The following TNRC6B variants were observed in gnomAD, a reference collection of about 807,000 sequenced individuals.
TNRC6B encodes trinucleotide repeat containing adaptor 6B.
In TNRC6B, 52 loss-of-function variants were observed where a neutral mutation model predicts 203.6. The ratio of observed to expected loss-of-function variants is 0.26; its 90% CI spans 0.20 to 0.32. The LOEUF is 0.32. Among genes scored for constraint, TNRC6B ranks in the 10% least tolerant of loss-of-function variants. The pLI is 1.00. For synonymous variants in TNRC6B, 838 were observed against 845.7 expected (o/e 0.99, Z 0.16); for missense variants, 1,923 against 2,286.2 (o/e 0.84, Z 3.24).
Position 40,322,971 on chromosome 22 carries a change from G to T in TNRC6B, c.5232G>T (p.Ala1744=), listed in dbSNP as rs41281263. The T allele has an allele frequency of 6.8e-6, 11 of 1,612,370 alleles. No individual in the cohort carries two copies. The Middle Eastern group carries it at 5.0e-4, about 73-fold the overall frequency. ...TPAATPSAPA[A]GWQSLETGQN... Reference sequence around the variant, plus strand: ...CAGCAACCCCAAGTGCGCCAGCTGCGGGGTGGCAGTCGCTGGAGACCGGCC... The same window carrying T: ...CAGCAACCCCAAGTGCGCCAGCTGCTGGGTGGCAGTCGCTGGAGACCGGCC... The change falls in exon 23 of 23, where the codon GCG becomes GCT. Residue 1744 remains alanine (A), a synonymous_variant. Coordinates refer to ENST00000454349, the MANE Select transcript of TNRC6B (RefSeq NM_001162501.2).
At position 40,266,404 on chromosome 22, in the gene TNRC6B, A is replaced by G. The variant is rs1328309342; in HGVS notation, c.2174A>G (p.Asn725Ser). The change falls in exon 5 of 23, where the codon AAT becomes AGT. Residue 725 changes from asparagine (N) to serine (S), a missense_variant. Physicochemically the swap from Asn to Ser is conservative, Grantham distance 46. This residue lies in a region of TNRC6B where 599 missense variants were observed against 656.5 expected (regional missense o/e 0.91). Transcript: ENST00000454349. Reference protein sequence around the residue: ...DEKTPSSWNENPSKDQGWGGG... With the variant: ...DEKTPSSWNESPSKDQGWGGG... ...AAGACACCTTCCTCTTGGAATGAGA[A>G]TCCCAGCAAGGATCAGGGGTGGGGA... The G allele has an allele frequency of 3.1e-6, 5 of 1,613,914 alleles. No homozygotes were observed. In the South Asian group the frequency reaches 5.5e-5, roughly 18 times the overall value.
upstream of TNRC6B, chr22:40,177,860 T>C (rs1160417460): frequency 2.3e-6 from 3 of 1,316,866 alleles, no homozygotes; most frequent in Non-Finnish European, 2.9e-6. Context: ...CTTTCCTGAT[T>C]GACAAACCTA....
At chr22:40,198,866 G>A (rs1463377849) in intron 1 of TNRC6B, among the ~76,000 whole-genome samples, 1 of 152,056 alleles carries the variant, frequency 6.6e-6, no homozygotes, top group Non-Finnish European at 1.5e-5. Context: ...GAGGGGGAGG[G>A]TGCCTGGGAA....
At chr22:40,132,969 A>AAAT (rs1282694632) in intron 3 of TNRC6B, among the ~76,000 whole-genome samples, 11 of 78,190 alleles carry the variant, frequency 1.4e-4, no homozygotes, top group South Asian at 6.2e-4. Flanking sequence ...AAAAAAAAAA[A>AAAT]ATATATATAT....
At chr22:40,289,337 T>C (rs2070836895) in intron 12 of TNRC6B, among the ~76,000 whole-genome samples, 2 of 152,122 alleles carry the variant, frequency 1.3e-5, no homozygotes, top group South Asian at 4.2e-4. Context: ...GGAAGTAATA[T>C]AGAGGACATG....
chr22:40,296,476 C>T (rs2070943487), intron 12 of TNRC6B, among the ~76,000 whole-genome samples: 1 of 151,648 alleles, frequency 6.6e-6, no homozygotes, highest in South Asian at 2.1e-4. Flanking sequence ...GGACTACAGG[C>T]GCCCGCCATC....
intron 1 of TNRC6B, among the ~76,000 whole-genome samples, chr22:40,109,519 T>C (rs560141045): frequency 6.6e-6 from 1 of 152,342 alleles, no homozygotes; most frequent in South Asian, 2.1e-4. Context: ...GGTTTTTCAT[T>C]TCTCTAATGA....
At chr22:40,095,521 G>A (rs2068180305) in intron 1 of TNRC6B, among the ~76,000 whole-genome samples, 1 of 151,926 alleles carries the variant, frequency 6.6e-6, no homozygotes, top group South Asian at 2.1e-4. Flanking sequence ...AGCCAAATCT[G>A]GATTCCAGGC....
Position 40,265,339 on chromosome 22 carries a change from C to T in TNRC6B, c.1109C>T (p.Thr370Ile). The part of the protein sequence containing the change: ...SGREQAQIHN[T>I]DGPKNGNTNS... ...AGAGAACAGGCTCAAATTCATAACA[C>T]TGATGGACCAAAAAATGGAAACACT... The change falls in exon 5 of 23, where the codon ACT (threonine) becomes ATT (isoleucine). Residue 370 changes from threonine (T) to isoleucine (I), a missense_variant. Thr to Ile is a moderately conservative substitution (Grantham distance 89). Transcript: ENST00000454349. 3 of 1,613,966 alleles carry T rather than the reference C, an allele frequency of 1.9e-6. No individual in the cohort carries two copies. Among genetic ancestry groups the T allele is most frequent in the Admixed American group, 3.3e-5 (2 of 60,014 alleles).
At chr22:40,186,926 G>C (rs1268172975) in intron 1 of TNRC6B, among the ~76,000 whole-genome samples, 2 of 151,878 alleles carry the variant, frequency 1.3e-5, no homozygotes, top group East Asian at 3.9e-4. Flanking sequence ...ACACATTTCA[G>C]TTCAAACATA....
At chr22:40,127,508 TACAC>T (rs1294985533) in intron 3 of TNRC6B, among the ~76,000 whole-genome samples, 1 of 152,090 alleles carries the variant, frequency 6.6e-6, no homozygotes, top group Non-Finnish European at 1.5e-5. Flanking sequence ...ACACCCAAGA[TACAC>T]ACACCCCAGA....
At position 40,331,670 on chromosome 22, in the gene TNRC6B, T is replaced by TAAA. The variant is rs2071468433; in HGVS notation, c.*8429_*8430insAAA. On this transcript the variant is annotated 3_prime_UTR_variant, in exon 23 of 23. Coordinates refer to ENST00000454349, the MANE Select transcript of TNRC6B (RefSeq NM_001162501.2). ...ATTTTTTTTTTTTTTTTTTTTTTTT[T>TAAA]CAAAAAAAAAAGTCCCACATGTGGT... The TAAA allele has an allele frequency of 1.0e-5, 2 of 190,830 alleles. No homozygotes were observed. Among genetic ancestry groups the TAAA allele is most frequent in the African/African-American group, 7.6e-5 (2 of 26,328 alleles). The allele number at this position is 190,830 out of a possible 1,614,324, so 11.8% of individuals were successfully genotyped here. A position where few individuals can be genotyped will look rare whatever the true frequency, so the allele number is the denominator to read the frequency against.
At position 40,327,053 on chromosome 22, in the gene TNRC6B, G is replaced by A. The variant is rs1000982666; in HGVS notation, c.*3812G>A. On this transcript the variant is annotated 3_prime_UTR_variant, in exon 23 of 23. Transcript: ENST00000454349. ...TCTTTTGTATTCCCTCCTGGGGCCA[G>A]GGGTCAGAATTCCCAAGCATGACCA... 1 of 152,628 alleles carries A rather than the reference G, an allele frequency of 6.6e-6. No homozygotes were observed. 9.5% of individuals were successfully genotyped at this position (152,628 alleles called of 1,614,324 possible). A position where few individuals can be genotyped will look rare whatever the true frequency, so the allele number is the denominator to read the frequency against.
intron 1 of TNRC6B, among the ~76,000 whole-genome samples, chr22:40,212,629 TG>T (rs1293937657): frequency 6.6e-6 from 1 of 152,166 alleles, no homozygotes; most frequent in Non-Finnish European, 1.5e-5. Flanking sequence ...CTTCAACAGC[TG>T]GGTATTTCTT....
chr22:40,184,966 A>G (rs1233185281), intron 1 of TNRC6B, among the ~76,000 whole-genome samples: 1 of 152,292 alleles, frequency 6.6e-6, no homozygotes, highest in Non-Finnish European at 1.5e-5. Context: ...TAAAGACTTA[A>G]GAGTTACCAG....
chr22:40,200,539 C>T (rs536778695), intron 1 of TNRC6B, among the ~76,000 whole-genome samples: 3 of 151,886 alleles, frequency 2.0e-5, no homozygotes, highest in African/African-American at 4.8e-5. Flanking sequence ...CTGCCCGCCT[C>T]GGCCTCCCAA....
chr22:40,275,427 T>A (rs1011531573), intron 7 of TNRC6B, among the ~76,000 whole-genome samples: 4 of 152,206 alleles, frequency 2.6e-5, no homozygotes, highest in African/African-American at 9.7e-5. Flanking sequence ...GATTCTGACT[T>A]TATATACCGA....
upstream of TNRC6B, among the ~76,000 whole-genome samples, chr22:40,173,090 T>C (rs1199523472): frequency 3.3e-5 from 5 of 152,166 alleles, no homozygotes; most frequent in Non-Finnish European, 5.9e-5. Flanking sequence ...TATTTAGTGT[T>C]TTAAAACAAA....
intron 3 of TNRC6B, among the ~76,000 whole-genome samples, chr22:40,155,434 G>A (rs12159047): frequency 0.022 from 3,291 of 152,158 alleles, 76 homozygotes; most frequent in African/African-American, 0.059. Context: ...GACTAAAGGC[G>A]CACACCACCA....
Sources: gnomAD v4.1 joint callset for allele counts (sites outside exome capture counted in the v4.1 genomes callset) on GRCh38, gnomAD v4.1.1 for gene constraint, gnomAD v4.1.1 regional missense constraint, MANE v1.5 for transcripts, NCBI Gene and HGNC (gene_info 2026-07-23, HGNC 2026-07-21) for gene names.